The following LMBR1 variants were observed in gnomAD, a reference collection of about 807,000 sequenced individuals.
The protein encoded by LMBR1 is limb region 1 protein homolog.
A neutral mutation model predicts 73.9 loss-of-function variants in LMBR1; 52 were observed. That is an observed-to-expected ratio of 0.70 (90% CI 0.56 to 0.89). LMBR1 has a LOEUF of 0.89. Among genes scored for constraint, LMBR1 ranks in the 40% least tolerant of loss-of-function variants. The pLI, the probability that LMBR1 is intolerant of heterozygous loss-of-function variation, is 0.00. For synonymous variants in LMBR1, 215 were observed against 209.4 expected, an observed-to-expected ratio of 1.03 and a Z score of -0.23; for missense variants, 539 against 579.8, an observed-to-expected ratio of 0.93 and a Z score of 0.72.
chr7:156,804,593 TAATA>T (rs749383305), intron 4 of LMBR1, among the ~76,000 whole-genome samples: 23 of 152,350 alleles, frequency 1.5e-4, no homozygotes, highest in Non-Finnish European at 2.6e-4. Context: ...CCCATTTATC[TAATA>T]AATAATGATG....
chr7:156,720,323 G>A (rs112109924), intron 15 of LMBR1, among the ~76,000 whole-genome samples: 4,008 of 152,188 alleles, frequency 0.026, 178 homozygotes, highest in African/African-American at 0.092. Context: ...ATTATTTTCC[G>A]CATGAAAATT....
chr7:156,774,627 T>C (rs1444901155), intron 5 of LMBR1, among the ~76,000 whole-genome samples: 1 of 151,260 alleles, frequency 6.6e-6, no homozygotes, highest in African/African-American at 2.4e-5. Context: ...AGGTCAGGAG[T>C]TCAAGACCAA....
intron 15 of LMBR1, among the ~76,000 whole-genome samples, chr7:156,689,377 T>C (rs1229837038): frequency 1.3e-5 from 2 of 152,250 alleles, no homozygotes; most frequent in Non-Finnish European, 2.9e-5. Flanking sequence ...AAGGGTGATT[T>C]AAGGATTTTT....
At chr7:156,727,313 TA>T (rs1294233886) in intron 12 of LMBR1, among the ~76,000 whole-genome samples, 2 of 152,096 alleles carry the variant, frequency 1.3e-5, no homozygotes, top group Non-Finnish European at 2.9e-5. Flanking sequence ...CACTAAGCAC[TA>T]AGGGGGATGG....
intron 8 of LMBR1, among the ~76,000 whole-genome samples, chr7:156,759,448 G>A (rs1262903273): frequency 1.3e-5 from 2 of 152,146 alleles, no homozygotes; most frequent in Non-Finnish European, 2.9e-5. Flanking sequence ...TCTTGTACAA[G>A]CTACTTAATC....
intron 1 of LMBR1, among the ~76,000 whole-genome samples, chr7:156,843,835 CAAA>C (rs11288663): frequency 2.1e-4 from 25 of 120,872 alleles, no homozygotes; most frequent in Non-Finnish European, 2.8e-4. Context: ...GACCCTGTCT[CAAA>C]AAAAAAAAAA....
At chr7:156,756,505 TA>T in intron 8 of LMBR1, 40 bp from the exon 9 acceptor site, 1 of 945,864 alleles carries the variant, frequency 1.1e-6, no homozygotes, top group Non-Finnish European at 1.7e-6. Context: ...TTCAACGTTA[TA>T]AAACGAATGC....
chr7:156,731,727 T>C (rs1414766578), intron 10 of LMBR1, among the ~76,000 whole-genome samples: 1 of 152,064 alleles, frequency 6.6e-6, no homozygotes, highest in Admixed American at 6.6e-5. Context: ...CAGGAACATA[T>C]GAATTAGAAT....
rs146116436 is a variant in LMBR1 at position 156,776,322 on chromosome 7, C to A, written c.424-12527G>T. ...TCTTCCCAACTTTGTTCCCGACCAT[C>A]TACAAACCTATAAGAAGCAGTCCCA... On this transcript the variant is annotated intron_variant, in intron 5 of 16. Coordinates refer to ENST00000353442, the MANE Select transcript of LMBR1 (RefSeq NM_022458.4). 4.6e-3 allele frequency among the ~76,000 whole-genome samples: 703 copies of A among 152,174 alleles called. 4 individuals are homozygous for A. The highest frequency in any genetic ancestry group is 0.024 in the Middle Eastern group (7 of 294).
intron 1 of LMBR1, among the ~76,000 whole-genome samples, chr7:156,881,150 GAAC>G (rs1224656978): frequency 3.3e-5 from 5 of 152,200 alleles, no homozygotes; most frequent in Admixed American, 6.5e-5. Context: ...CAGATATATA[GAAC>G]AACGGAACAG....
At chr7:156,780,065 T>C (rs1826852803) in intron 5 of LMBR1, among the ~76,000 whole-genome samples, 1 of 152,234 alleles carries the variant, frequency 6.6e-6, no homozygotes, top group South Asian at 2.1e-4. Context: ...TGCTCCCAAG[T>C]AATCATTAAG....
chr7:156,812,299 A>G (rs1355242993), intron 4 of LMBR1, among the ~76,000 whole-genome samples: 1 of 152,004 alleles, frequency 6.6e-6, no homozygotes, highest in Non-Finnish European at 1.5e-5. Context: ...TGAGCCTTTC[A>G]TGTGATTTTT....
intron 15 of LMBR1, among the ~76,000 whole-genome samples, chr7:156,702,214 T>C (rs7794819): frequency 0.02 from 3,088 of 151,870 alleles, 120 homozygotes; most frequent in African/African-American, 0.07. Flanking sequence ...TCTTCCACAA[T>C]GGCTGAACTA....
At chr7:156,746,532 T>C (rs1443046291) in intron 9 of LMBR1, among the ~76,000 whole-genome samples, 2 of 152,192 alleles carry the variant, frequency 1.3e-5, no homozygotes, top group Admixed American at 6.5e-5. Flanking sequence ...GTGCTTCTAT[T>C]TGCAGGTGAT....
chr7:156,745,732 C>G (rs1819727295), intron 9 of LMBR1, among the ~76,000 whole-genome samples: 1 of 152,214 alleles, frequency 6.6e-6, no homozygotes, highest in Non-Finnish European at 1.5e-5. Context: ...TCCCAGGTTT[C>G]TAGGAGAAGT....
intron 1 of LMBR1, among the ~76,000 whole-genome samples, chr7:156,852,299 C>T (rs914747508): frequency 1.3e-5 from 2 of 152,000 alleles, no homozygotes; most frequent in African/African-American, 2.4e-5. Flanking sequence ...AGTCAATATA[C>T]GTGTTCAATG....
At chr7:156,724,228 C>A in intron 14 of LMBR1, 50 bp from the exon 15 acceptor site, 1 of 1,338,986 alleles carries the variant, frequency 7.5e-7, no homozygotes, top group Non-Finnish European at 1.1e-6. Flanking sequence ...AGCAGGATGA[C>A]AATCAAACCC....
intron 9 of LMBR1, among the ~76,000 whole-genome samples, chr7:156,739,253 T>C (rs2132563408): frequency 6.6e-6 from 1 of 152,062 alleles, no homozygotes; most frequent in South Asian, 2.1e-4. Context: ...TGTCTTATGG[T>C]TTGAGGGTCA....
chr7:156,708,103 GA>G (rs942248835), intron 15 of LMBR1, among the ~76,000 whole-genome samples: 2 of 150,478 alleles, frequency 1.3e-5, no homozygotes, highest in African/African-American at 2.4e-5. Flanking sequence ...ACAATAGCCA[GA>G]AAAAAAAAAT....
Sources: gnomAD v4.1 joint callset for allele counts (sites outside exome capture counted in the v4.1 genomes callset) on GRCh38, gnomAD v4.1.1 for gene constraint, MANE v1.5 for transcripts, NCBI Gene and HGNC (gene_info 2026-07-23, HGNC 2026-07-21) for gene names.